The following ZBBX variants were observed in gnomAD, a reference collection of about 807,000 sequenced individuals.
The protein encoded by ZBBX is zinc finger B-box domain containing.
A neutral mutation model predicts 108.5 loss-of-function variants in ZBBX; 101 were observed. The ratio of observed to expected loss-of-function variants is 0.93; its 90% CI spans 0.79 to 1.10. The LOEUF (loss-of-function observed/expected upper bound fraction) is 1.10, where lower values mean the gene tolerates loss of function less well. ZBBX is among the 50% of genes least tolerant of loss of function. The pLI is 0.00. For missense variants in ZBBX, 1,009 were observed against 941.4 expected, an observed-to-expected ratio of 1.07 and a Z score of -0.94; for synonymous variants, 356 against 323.4, an observed-to-expected ratio of 1.10 and a Z score of -1.08.
intron 8 of ZBBX, among the ~76,000 whole-genome samples, chr3:167,354,362 C>T (rs1379606000): frequency 6.6e-6 from 1 of 151,520 alleles, no homozygotes; most frequent in Non-Finnish European, 1.5e-5. Flanking sequence ...ATCGAAAAAC[C>T]TTGATAAAAT....
At chr3:167,242,780 A>C (rs544445851) in intron 20 of ZBBX, 137 bp from the exon 21 acceptor site, 1 of 791,242 alleles carries the variant, frequency 1.3e-6, no homozygotes, top group South Asian at 3.3e-5. Flanking sequence ...TTATTCCTCA[A>C]TTTTCTAATG....
the ZBBX span, among the ~76,000 whole-genome samples, chr3:167,218,624 A>G: frequency 6.6e-6 from 1 of 152,136 alleles, no homozygotes. Context: ...AAAATACAAC[A>G]GATACACAAA....
intron 18 of ZBBX, among the ~76,000 whole-genome samples, chr3:167,289,215 T>C (rs1399204766): frequency 6.6e-6 from 1 of 152,172 alleles, no homozygotes; most frequent in Non-Finnish European, 1.5e-5. Context: ...AGTATAATTG[T>C]TTCTACATGA....
Position 167,360,730 on chromosome 3 carries a change from T to A in ZBBX, c.274-7A>T. ...TCACTTTTCCAGCAGAAAACTGTATTAATAAAATAGATACTATTTGTCAGG... is the reference window on the plus strand; with the variant it reads ...TCACTTTTCCAGCAGAAAACTGTATAAATAAAATAGATACTATTTGTCAGG... On this transcript the variant is annotated splice_region_variant and splice_polypyrimidine_tract_variant and intron_variant, in intron 6 of 21. Transcript: ENST00000675490. 1 of 1,370,918 alleles carries A rather than the reference T, an allele frequency of 7.3e-7. No individual in the cohort carries two copies. Among genetic ancestry groups the A allele is most frequent in the Non-Finnish European group, 9.6e-7 (1 of 1,045,966 alleles). 84.9% of individuals were successfully genotyped at this position (1,370,918 alleles called of 1,614,324 possible).
At chr3:167,245,406 C>G (rs565882040) in intron 20 of ZBBX, among the ~76,000 whole-genome samples, 1 of 152,136 alleles carries the variant, frequency 6.6e-6, no homozygotes, top group African/African-American at 2.4e-5. Context: ...TTCTTTCCAT[C>G]TTCTCTCCCC....
chr3:167,331,604 A>C (rs370593847), intron 10 of ZBBX: 2 of 985,272 alleles, frequency 2.0e-6, no homozygotes, highest in South Asian at 4.7e-5. Flanking sequence ...AAAAAGCTGG[A>C]GGGTTGTACA....
chr3:167,190,312 T>C, the ZBBX span, among the ~76,000 whole-genome samples: 2 of 151,982 alleles, frequency 1.3e-5, no homozygotes, highest in Admixed American at 6.6e-5. Flanking sequence ...ATAATCTCTA[T>C]GGAATTGTTA....
chr3:167,242,106 G>T (rs957849478), intron 21 of ZBBX, among the ~76,000 whole-genome samples: 1 of 152,044 alleles, frequency 6.6e-6, no homozygotes, highest in African/African-American at 2.4e-5. Context: ...TTTCAAGAAA[G>T]AAACTTACTA....
Position 167,348,356 on chromosome 3 carries a change from G to GAGAAAGAA in ZBBX, c.528+2063_528+2064insTTCTTTCT, listed in dbSNP as rs1553832873. Among the ~76,000 whole-genome samples, 185 of 115,044 alleles carry GAGAAAGAA rather than the reference G, an allele frequency of 1.6e-3. 1 individual carries two copies. The highest frequency in any genetic ancestry group is 2.7e-3 in the Non-Finnish European group (152 of 57,322). The allele number at this position is 115,044 out of a possible 152,430, so 75.5% of individuals were successfully genotyped here. On this transcript the variant is annotated intron_variant, in intron 9 of 21. Transcript: ENST00000675490. ...AGAAAGAAAGAAAGAAAGAAAGAAA[G>GAGAAAGAA]AAAGAAAGAAAGAAAAAAAAGAAAA...
At chr3:167,314,568 T>C (rs2108280165) in intron 15 of ZBBX, among the ~76,000 whole-genome samples, 1 of 152,332 alleles carries the variant, frequency 6.6e-6, no homozygotes, top group Admixed American at 6.5e-5. Context: ...ACTATCTATA[T>C]GCATAGTTAC....
chr3:167,334,385 C>G (rs976256989), intron 9 of ZBBX, among the ~76,000 whole-genome samples: 5 of 151,990 alleles, frequency 3.3e-5, no homozygotes, highest in African/African-American at 1.2e-4. Context: ...GACAGCCTGG[C>G]CAACATGGTG....
intron 10 of ZBBX, among the ~76,000 whole-genome samples, chr3:167,328,477 CA>C (rs11441311): frequency 6.6e-6 from 1 of 151,482 alleles, no homozygotes; most frequent in Admixed American, 6.6e-5. Context: ...CTTCTCATAT[CA>C]AAAAAACAGG....
At chr3:167,204,805 C>T in the ZBBX span, among the ~76,000 whole-genome samples, 7 of 151,920 alleles carry the variant, frequency 4.6e-5, no homozygotes, top group East Asian at 1.4e-3. Context: ...ATTTTCTTAA[C>T]AGCTGATCCA....
At chr3:167,301,193 T>C (rs575065203) in intron 17 of ZBBX, among the ~76,000 whole-genome samples, 4 of 152,320 alleles carry the variant, frequency 2.6e-5, no homozygotes, top group East Asian at 1.9e-4. Context: ...ATTAATTGAA[T>C]AGAGTAGTAT....
intron 9 of ZBBX, among the ~76,000 whole-genome samples, chr3:167,348,356 GA>G (rs1553832871): frequency 7.0e-5 from 8 of 115,044 alleles, no homozygotes; most frequent in African/African-American, 2.4e-4. Context: ...AAGAAAGAAA[GA>G]AAGAAAGAAA....
chr3:167,393,230 T>A (rs1460035294), intron 1 of ZBBX, among the ~76,000 whole-genome samples: 1 of 151,774 alleles, frequency 6.6e-6, no homozygotes, highest in Non-Finnish European at 1.5e-5. Flanking sequence ...ATAGTCCCCC[T>A]GCCAGTCTGG....
intron 11 of ZBBX, among the ~76,000 whole-genome samples, chr3:167,326,420 T>C (rs916176765): frequency 4.9e-4 from 74 of 152,160 alleles, no homozygotes; most frequent in African/African-American, 1.7e-3. Context: ...TAACTTTTTG[T>C]TATAACCAAG....
intron 20 of ZBBX, among the ~76,000 whole-genome samples, chr3:167,280,656 G>A (rs570975723): frequency 0.017 from 2,573 of 150,450 alleles, 72 homozygotes; most frequent in African/African-American, 0.059. Flanking sequence ...ACTGTTGGTG[G>A]GACTGTAAAC....
At chr3:167,376,655 C>T (rs1032272453) in intron 2 of ZBBX, among the ~76,000 whole-genome samples, 1 of 152,106 alleles carries the variant, frequency 6.6e-6, no homozygotes, top group Non-Finnish European at 1.5e-5. Flanking sequence ...AATAAGATGA[C>T]TCAGATTTAT....
Sources: gnomAD v4.1 joint callset for allele counts (sites outside exome capture counted in the v4.1 genomes callset) on GRCh38, gnomAD v4.1.1 for gene constraint, MANE v1.5 for transcripts, NCBI Gene and HGNC (gene_info 2026-07-23, HGNC 2026-07-21) for gene names.